Variants in PTPRD observed in about 807,000 individuals in gnomAD.
PTPRD encodes the protein receptor-type tyrosine-protein phosphatase delta.
In PTPRD, 34 loss-of-function variants were observed where a neutral mutation model predicts 214.5. That is an observed-to-expected ratio of 0.16 (90% CI 0.12 to 0.21). PTPRD has a LOEUF of 0.21. Ranked by LOEUF, PTPRD falls within the 10% of genes least tolerant of loss-of-function variation. PTPRD has a pLI of 1.00. For synonymous variants in PTPRD, 1,128 were observed against 845.7 expected, an observed-to-expected ratio of 1.33 and a Z score of -5.79; for missense variants, 2,545 against 2,398.7, an observed-to-expected ratio of 1.06 and a Z score of -1.27.
chr9:8,673,635 T>C (rs117621392), intron 12 of PTPRD, among the ~76,000 whole-genome samples: 2,954 of 152,326 alleles, frequency 0.019, 39 homozygotes, highest in Middle Eastern at 0.061. Context: ...TTTTTCTCTT[T>C]CTATATTTTT....
rs564394410 is a variant in PTPRD at position 8,630,981 on chromosome 9, C to T, written c.352+2336G>A. Among the ~76,000 whole-genome samples, 18 of 151,858 alleles carry T rather than the reference C, an allele frequency of 1.2e-4. No individual in the cohort carries two copies. The East Asian group carries it at 2.3e-3, about 20-fold the overall frequency. The stretch of plus-strand genomic sequence containing the variant: ...TCTGATAAGTTTTATTTTATTGTAC[C>T]TTTTTAATATACCTTCTATATGATG... On this transcript the variant is annotated intron_variant, in intron 14 of 45. Transcript: ENST00000381196.
intron 8 of PTPRD, among the ~76,000 whole-genome samples, chr9:9,566,532 T>A (rs2084596074): frequency 6.6e-6 from 1 of 151,968 alleles, no homozygotes; most frequent in African/African-American, 2.4e-5. Flanking sequence ...GAATCAGTTT[T>A]ACACAATAAT....
At chr9:8,927,580 G>C (rs2098910435) in intron 11 of PTPRD, among the ~76,000 whole-genome samples, 1 of 152,088 alleles carries the variant, frequency 6.6e-6, no homozygotes, top group African/African-American at 2.4e-5. Context: ...GTGTATATAT[G>C]CCACATTTTC....
intron 3 of PTPRD, among the ~76,000 whole-genome samples, chr9:10,185,723 T>C (rs2099327331): frequency 1.3e-5 from 2 of 152,184 alleles, no homozygotes; most frequent in African/African-American, 4.8e-5. Context: ...TTAACATACA[T>C]TCACTGTAGA....
At chr9:10,177,034 C>A (rs2099252775) in intron 3 of PTPRD, among the ~76,000 whole-genome samples, 1 of 151,814 alleles carries the variant, frequency 6.6e-6, no homozygotes, top group African/African-American at 2.4e-5. Context: ...AACCAGCATG[C>A]TAGGTACATG....
At chr9:10,602,363 A>G (rs2078198411) in intron 2 of PTPRD, among the ~76,000 whole-genome samples, 1 of 151,812 alleles carries the variant, frequency 6.6e-6, no homozygotes, top group South Asian at 2.1e-4. Flanking sequence ...CACAGGCAGC[A>G]TTTCTCATAT....
rs115302344 is a variant in PTPRD at position 10,075,115 on chromosome 9, G to T, written c.-544-41325C>A. On this transcript the variant is annotated intron_variant, in intron 3 of 45. Coordinates refer to ENST00000381196, the MANE Select transcript of PTPRD (RefSeq NM_002839.4). The stretch of plus-strand genomic sequence containing the variant: ...TATGGGCATCACATGAAGATTTTCA[G>T]TGGATTATATTCATTTCTGTCAACG... Among the ~76,000 whole-genome samples the T allele has an allele frequency of 8.2e-3, 1,250 of 152,154 alleles. 15 individuals are homozygous for T. The highest frequency in any genetic ancestry group is 0.028 in the African/African-American group (1,157 of 41,542).
intron 11 of PTPRD, among the ~76,000 whole-genome samples, chr9:8,851,535 G>A (rs186259197): frequency 7.9e-5 from 12 of 152,202 alleles, no homozygotes; most frequent in African/African-American, 2.6e-4. Flanking sequence ...CAAAACATCC[G>A]TATCCAACAG....
At chr9:10,049,384 G>T (rs2097478640) in intron 3 of PTPRD, among the ~76,000 whole-genome samples, 1 of 118,026 alleles carries the variant, frequency 8.5e-6, no homozygotes, top group African/African-American at 3.1e-5. Context: ...AAAAGGAGAA[G>T]CAGCTTCTCT....
At chr9:8,939,379 A>G (rs1307794869) in intron 11 of PTPRD, among the ~76,000 whole-genome samples, 1 of 151,438 alleles carries the variant, frequency 6.6e-6, no homozygotes, top group Non-Finnish European at 1.5e-5. Context: ...TACATAAAAC[A>G]TACAGACAGA....
chr9:9,850,844 C>T (rs1392949837), intron 5 of PTPRD, among the ~76,000 whole-genome samples: 1 of 152,184 alleles, frequency 6.6e-6, no homozygotes, highest in Non-Finnish European at 1.5e-5. Context: ...ACCACCACCA[C>T]TCTCCACTGA....
At chr9:10,062,078 C>G (rs538924775) in intron 3 of PTPRD, among the ~76,000 whole-genome samples, 1 of 151,902 alleles carries the variant, frequency 6.6e-6, no homozygotes, top group East Asian at 1.9e-4. Context: ...AAAATCGTGA[C>G]TCTCATACAA....
At chr9:9,213,558 G>T (rs916793696) in intron 9 of PTPRD, among the ~76,000 whole-genome samples, 1 of 151,958 alleles carries the variant, frequency 6.6e-6, no homozygotes. Flanking sequence ...GGCAACCATT[G>T]GTTAGGTCTG....
intron 3 of PTPRD, among the ~76,000 whole-genome samples, chr9:10,171,583 GGC>G (rs1043743766): frequency 7.6e-4 from 115 of 152,170 alleles, no homozygotes; most frequent in African/African-American, 2.5e-3. Flanking sequence ...GGAGTGCAGC[GGC>G]GCAATCTCGG....
chr9:8,834,810 T>C (rs2097377392), intron 11 of PTPRD, among the ~76,000 whole-genome samples: 1 of 152,208 alleles, frequency 6.6e-6, no homozygotes, highest in Non-Finnish European at 1.5e-5. Flanking sequence ...TCTCCCTCTG[T>C]GGCTCTGGGC....
intron 9 of PTPRD, among the ~76,000 whole-genome samples, chr9:9,312,978 G>A (rs1353126490): frequency 6.6e-6 from 1 of 152,122 alleles, no homozygotes; most frequent in Non-Finnish European, 1.5e-5. Context: ...CTCATGGATT[G>A]ACACAAAATT....
intron 3 of PTPRD, among the ~76,000 whole-genome samples, chr9:10,317,633 T>A (rs532962936): frequency 5.3e-5 from 8 of 152,172 alleles, no homozygotes; most frequent in Admixed American, 3.3e-4. Context: ...AGAAGATTTT[T>A]AAAAATCTAT....
At chr9:9,656,334 A>G (rs560742966) in intron 7 of PTPRD, among the ~76,000 whole-genome samples, 7 of 152,222 alleles carry the variant, frequency 4.6e-5, no homozygotes, top group Non-Finnish European at 8.8e-5. Context: ...AGCTTTATTG[A>G]CAATTGTCAA....
chr9:9,544,514 A>G (rs976587254), intron 8 of PTPRD, among the ~76,000 whole-genome samples: 2 of 151,638 alleles, frequency 1.3e-5, no homozygotes, highest in African/African-American at 4.8e-5. Flanking sequence ...TACTTAATGC[A>G]ATGATGCTAA....
Sources: gnomAD v4.1 joint callset for allele counts (sites outside exome capture counted in the v4.1 genomes callset) on GRCh38, gnomAD v4.1.1 for gene constraint, MANE v1.5 for transcripts, NCBI Gene and HGNC (gene_info 2026-07-23, HGNC 2026-07-21) for gene names.